The following SLC49A4 variants were observed in gnomAD, a reference collection of about 807,000 sequenced individuals.
SLC49A4 encodes the protein disrupted in renal cancer protein 2.
Under a neutral mutation model 50.6 loss-of-function variants are expected in SLC49A4, and 36 were observed. The observed-to-expected ratio is 0.71, with a 90% CI of 0.55 to 0.94. The LOEUF (loss-of-function observed/expected upper bound fraction) is 0.94. Ranked by LOEUF, SLC49A4 falls within the 40% of genes least tolerant of loss-of-function variation. The probability of loss-of-function intolerance (pLI) is 0.00; values close to 1 mark genes in which losing one functional copy is unlikely to be tolerated. For synonymous variants in SLC49A4, 248 were observed against 241.2 expected (o/e 1.03, Z -0.26); for missense variants, 503 against 605.7 (o/e 0.83, Z 1.78).
chr3:122,832,888 G>A (rs1055220397), intron 3 of SLC49A4, among the ~76,000 whole-genome samples: 1 of 151,848 alleles, frequency 6.6e-6, no homozygotes. Context: ...ATCTCTATAC[G>A]TCTCAGACTC....
intron 4 of SLC49A4, among the ~76,000 whole-genome samples, chr3:122,839,611 A>G (rs1334887650): frequency 3.9e-5 from 6 of 152,156 alleles, no homozygotes; most frequent in African/African-American, 1.2e-4. Context: ...AAGAAGACAT[A>G]CAAACACTAA....
At chr3:122,837,231 CA>C (rs1348888564) in intron 4 of SLC49A4, among the ~76,000 whole-genome samples, 4 of 152,044 alleles carry the variant, frequency 2.6e-5, no homozygotes, top group Non-Finnish European at 5.9e-5. Context: ...CATATGGAAC[CA>C]AAAAAGAGCC....
At chr3:122,844,451 A>T (rs555584976) in intron 4 of SLC49A4, among the ~76,000 whole-genome samples, 1 of 152,320 alleles carries the variant, frequency 6.6e-6, no homozygotes, top group East Asian at 1.9e-4. Context: ...AATTTTAAAC[A>T]ATATGAACAA....
intron 8 of SLC49A4, among the ~76,000 whole-genome samples, chr3:122,875,975 T>G: frequency 6.6e-6 from 1 of 152,198 alleles, no homozygotes; most frequent in Non-Finnish European, 1.5e-5. Context: ...ACCTCCTATT[T>G]CAGTTCTGCT....
chr3:122,872,132 A>C (rs1436745565), intron 7 of SLC49A4, among the ~76,000 whole-genome samples: 1 of 152,160 alleles, frequency 6.6e-6, no homozygotes, highest in Non-Finnish European at 1.5e-5. Context: ...GAATCCTTTT[A>C]ATTATATGAT....
At chr3:122,797,876 G>T (rs780627468) in intron 1 of SLC49A4, among the ~76,000 whole-genome samples, 3 of 152,178 alleles carry the variant, frequency 2.0e-5, no homozygotes, top group African/African-American at 7.2e-5. Flanking sequence ...AGTTACTGGG[G>T]AGGCTGAGGC....
intron 1 of SLC49A4, among the ~76,000 whole-genome samples, chr3:122,797,651 G>T (rs911557941): frequency 6.6e-6 from 1 of 152,150 alleles, no homozygotes; most frequent in East Asian, 1.9e-4. Context: ...TTTTCTTTGG[G>T]TTATTGTTGT....
At chr3:122,877,482 A>G (rs977230403) in intron 8 of SLC49A4, among the ~76,000 whole-genome samples, 1 of 152,242 alleles carries the variant, frequency 6.6e-6, no homozygotes, top group African/African-American at 2.4e-5. Context: ...GCTGAAATAA[A>G]AGATCTGTTT....
chr3:122,804,696 G>T (rs557460039), intron 1 of SLC49A4, among the ~76,000 whole-genome samples: 28 of 152,278 alleles, frequency 1.8e-4, no homozygotes, highest in Admixed American at 7.8e-4. Context: ...TGTTACCCAG[G>T]CTAATCTCAA....
At chr3:122,830,372 A>T (rs1936592748) in intron 3 of SLC49A4, among the ~76,000 whole-genome samples, 2 of 152,230 alleles carry the variant, frequency 1.3e-5, no homozygotes, top group African/African-American at 4.8e-5. Context: ...AATCTTGAAA[A>T]GGAACAAAAT....
intron 8 of SLC49A4, among the ~76,000 whole-genome samples, chr3:122,873,479 C>T (rs1162517582): frequency 6.6e-6 from 1 of 152,164 alleles, no homozygotes. Flanking sequence ...TGTGCCTGGC[C>T]AGAAACTTTC....
intron 1 of SLC49A4, among the ~76,000 whole-genome samples, chr3:122,802,821 G>A (rs74516266): frequency 3.9e-5 from 6 of 152,278 alleles, no homozygotes; most frequent in South Asian, 2.1e-4. Flanking sequence ...AGAAAAGGTC[G>A]TGTGACTTGA....
chr3:122,877,788 C>CAACAT (rs10680465), intron 8 of SLC49A4, among the ~76,000 whole-genome samples: 141,199 of 151,876 alleles, frequency 0.93, 65,967 homozygotes, highest in Middle Eastern at 0.99. Flanking sequence ...GTTATATAGT[C>CAACAT]AAAAGCAGAA....
intron 3 of SLC49A4, among the ~76,000 whole-genome samples, chr3:122,828,554 C>G (rs1180022677): frequency 6.6e-6 from 1 of 152,140 alleles, no homozygotes; most frequent in African/African-American, 2.4e-5. Flanking sequence ...GAGAGGAAGG[C>G]AAGCCCCACG....
intron 2 of SLC49A4, among the ~76,000 whole-genome samples, chr3:122,818,210 A>G (rs1936404269): frequency 6.6e-6 from 1 of 152,222 alleles, no homozygotes; most frequent in African/African-American, 2.4e-5. Context: ...CAAAACCATT[A>G]ACAATTATTA....
intron 2 of SLC49A4, among the ~76,000 whole-genome samples, chr3:122,807,571 T>G (rs1936240728): frequency 6.6e-6 from 1 of 152,186 alleles, no homozygotes; most frequent in Admixed American, 6.5e-5. Context: ...TTTATATTGG[T>G]TATGATACAG....
At chr3:122,867,114 A>C (rs1363416106) in intron 7 of SLC49A4, among the ~76,000 whole-genome samples, 2 of 152,184 alleles carry the variant, frequency 1.3e-5, no homozygotes, top group Non-Finnish European at 2.9e-5. Context: ...TTTCCCTCTT[A>C]TATACTTAAA....
At chr3:122,859,475 A>C (rs1937030312) in intron 6 of SLC49A4, among the ~76,000 whole-genome samples, 1 of 152,230 alleles carries the variant, frequency 6.6e-6, no homozygotes, top group Admixed American at 6.5e-5. Flanking sequence ...CTGATTTTCA[A>C]AACTAAGATA....
chr3:122,814,100 G>A (rs368775026), intron 2 of SLC49A4, among the ~76,000 whole-genome samples: 77 of 152,238 alleles, frequency 5.1e-4, no homozygotes, highest in African/African-American at 1.8e-3. Flanking sequence ...GTGAAACCTC[G>A]TCTCTACTAA....
Sources: gnomAD v4.1 joint callset for allele counts (sites outside exome capture counted in the v4.1 genomes callset) on GRCh38, gnomAD v4.1.1 for gene constraint, MANE v1.5 for transcripts, NCBI Gene and HGNC (gene_info 2026-07-23, HGNC 2026-07-21) for gene names.